C1orf141: variants seen among roughly 807,000 people sequenced by gnomAD.
C1orf141 encodes chromosome 1 open reading frame 141.
C1orf141 carries 19 observed loss-of-function variants against 23.2 expected under a neutral mutation model. That is an observed-to-expected ratio of 0.82 (90% CI 0.57 to 1.20). C1orf141 has a LOEUF of 1.20. Among genes scored for constraint, C1orf141 ranks in the 50% most tolerant of loss-of-function variants. The pLI is 0.00. For synonymous variants in C1orf141, 153 were observed against 154.6 expected (o/e 0.99, Z 0.08); for missense variants, 469 against 455.1 (o/e 1.03, Z -0.28).
At chr1:67,125,007 C>T (rs1277435589) in intron 4 of C1orf141, among the ~76,000 whole-genome samples, 1 of 152,176 alleles carries the variant, frequency 6.6e-6, no homozygotes, top group Non-Finnish European at 1.5e-5. Context: ...TTCTGATGTG[C>T]TTGGAAAAAT....
intron 5 of C1orf141, among the ~76,000 whole-genome samples, chr1:67,102,476 T>C (rs72922813): frequency 0.096 from 14,507 of 151,808 alleles, 744 homozygotes; most frequent in South Asian, 0.12. Flanking sequence ...TACGGGGGAG[T>C]TGGCGTTGGG....
Position 67,093,389 on chromosome 1 carries a change from A to G in C1orf141, c.819T>C (p.Pro273=), listed in dbSNP as rs201745372. The G allele has an allele frequency of 4.0e-5, 64 of 1,613,202 alleles. No homozygotes were observed. Among genetic ancestry groups the G allele is most frequent in the Non-Finnish European group, 5.2e-5 (61 of 1,179,712 alleles). The change falls in exon 8 of 8, where the codon CCT becomes CCC. Residue 273 remains proline (P), a synonymous_variant. Transcript: ENST00000684719. ...TCTGTATATCTTTTCTCTGTACTGT[A>G]GGCATAGTTTTTTGGGGTTTGAAAA... The part of the protein sequence containing the change: ...ISLFKPQKTM[P]TVQRKDIQIP...
chr1:67,128,802 C>T (rs1314222314), intron 2 of C1orf141, among the ~76,000 whole-genome samples: 2 of 152,034 alleles, frequency 1.3e-5, no homozygotes, highest in East Asian at 1.9e-4. Context: ...AAAGTGATAT[C>T]GTTCACAGAA....
chr1:67,125,645 G>T, intron 4 of C1orf141, 107 bp downstream of exon 4: 2 of 1,075,570 alleles, frequency 1.9e-6, no homozygotes, highest in Non-Finnish European at 2.9e-6. Context: ...GCTGCAGTGA[G>T]CCATGTTTGC....
At chr1:67,094,499 A>G (rs1440896810) in intron 7 of C1orf141, 3 of 152,254 alleles carry the variant, frequency 2.0e-5, no homozygotes, top group Admixed American at 6.5e-5. Flanking sequence ...AAGCACTGTG[A>G]AAAAGTATTG....
At chr1:67,109,921 G>A (rs552605319) in intron 5 of C1orf141, among the ~76,000 whole-genome samples, 1 of 151,998 alleles carries the variant, frequency 6.6e-6, no homozygotes, top group South Asian at 2.1e-4. Context: ...TTTAGTAATA[G>A]ATAGAGAAAA....
At chr1:67,119,449 T>C (rs1646258682) in intron 4 of C1orf141, among the ~76,000 whole-genome samples, 1 of 152,112 alleles carries the variant, frequency 6.6e-6, no homozygotes, top group South Asian at 2.1e-4. Flanking sequence ...ATGTTTATAG[T>C]AAAATGCAAG....
chr1:67,116,378 C>T (rs1331797778), intron 4 of C1orf141, among the ~76,000 whole-genome samples: 1 of 152,010 alleles, frequency 6.6e-6, no homozygotes, highest in Non-Finnish European at 1.5e-5. Context: ...ACACCTCTTT[C>T]CTCATTGCTC....
At chr1:67,112,805 A>G (rs558885106) in intron 5 of C1orf141, among the ~76,000 whole-genome samples, 7 of 152,320 alleles carry the variant, frequency 4.6e-5, no homozygotes, top group African/African-American at 1.7e-4. Context: ...TAAAAGAGGT[A>G]TATTGTTGAT....
intron 5 of C1orf141, among the ~76,000 whole-genome samples, chr1:67,106,767 CAG>C (rs1006567980): frequency 1.3e-5 from 2 of 152,040 alleles, no homozygotes; most frequent in Non-Finnish European, 2.9e-5. Context: ...ACCGGAGAAA[CAG>C]AAACTATTTT....
chr1:67,114,718 C>T (rs1399166094), intron 5 of C1orf141, among the ~76,000 whole-genome samples: 4 of 152,144 alleles, frequency 2.6e-5, no homozygotes, highest in African/African-American at 9.7e-5. Flanking sequence ...CTCTTGTCAC[C>T]CAGGCTGGAG....
chr1:67,093,218 A>G lies in C1orf141; in HGVS notation c.990T>C (p.Gly330=). The change falls in exon 8 of 8, where the codon GGT becomes GGC. Residue 330 remains glycine, a synonymous_variant. Transcript: ENST00000684719. ...NFSSLTKQFV[G]YLDKAVIHEM... is the part of the protein sequence containing the mutation. ...CATGAATAACAGCTTTATCAAGGTA[A>G]CCCACAAATTGTTTTGTTAGGCTAG... 1 of 1,613,934 alleles carries G rather than the reference A, an allele frequency of 6.2e-7. No homozygotes were observed. Among genetic ancestry groups the G allele is most frequent in the Non-Finnish European group, 8.5e-7 (1 of 1,179,854 alleles).
At chr1:67,127,588 T>C (rs998688528) in intron 2 of C1orf141, among the ~76,000 whole-genome samples, 1 of 152,160 alleles carries the variant, frequency 6.6e-6, no homozygotes, top group Non-Finnish European at 1.5e-5. Context: ...ATTTTCTTTT[T>C]AAATTTTTTT....
intron 5 of C1orf141, among the ~76,000 whole-genome samples, chr1:67,099,853 T>C (rs1333080475): frequency 6.6e-6 from 1 of 152,202 alleles, no homozygotes; most frequent in Non-Finnish European, 1.5e-5. Context: ...TAAACTACTA[T>C]GTATTTAATT....
At chr1:67,098,281 G>A (rs775768192) in intron 5 of C1orf141, among the ~76,000 whole-genome samples, 3 of 152,210 alleles carry the variant, frequency 2.0e-5, no homozygotes, top group Non-Finnish European at 4.4e-5. Flanking sequence ...AGCGCTTTAA[G>A]AGGCTGAGGT....
intron 5 of C1orf141, among the ~76,000 whole-genome samples, chr1:67,104,733 A>C (rs951630750): frequency 1.3e-5 from 2 of 152,208 alleles, no homozygotes; most frequent in African/African-American, 4.8e-5. Flanking sequence ...TTAAAAGCCA[A>C]AGTCTGGAAA....
At chr1:67,120,049 C>A (rs1342309870) in intron 4 of C1orf141, among the ~76,000 whole-genome samples, 1 of 152,158 alleles carries the variant, frequency 6.6e-6, no homozygotes, top group Non-Finnish European at 1.5e-5. Flanking sequence ...GGAGGCAGGA[C>A]CACTAGTCTA....
At chr1:67,117,143 C>T (rs1646209589) in intron 4 of C1orf141, among the ~76,000 whole-genome samples, 1 of 152,090 alleles carries the variant, frequency 6.6e-6, no homozygotes, top group South Asian at 2.1e-4. Context: ...GCCTAATAGG[C>T]CGGGCGCGGT....
intron 5 of C1orf141, among the ~76,000 whole-genome samples, chr1:67,110,075 T>C (rs951774225): frequency 4.6e-5 from 7 of 152,274 alleles, no homozygotes; most frequent in Admixed American, 2.0e-4. Context: ...ATGCTGTTAA[T>C]AGTATTTTGA....
Sources: allele counts gnomAD v4.1 joint callset (sites outside exome capture counted in the v4.1 genomes callset), GRCh38; gene constraint gnomAD v4.1.1; transcripts MANE v1.5; gene names NCBI Gene and HGNC (gene_info 2026-07-23, HGNC 2026-07-21).